FGFBP2: variants seen among roughly 807,000 people sequenced by gnomAD.
FGFBP2 encodes fibroblast growth factor binding protein 2.
A neutral mutation model predicts 7.3 loss-of-function variants in FGFBP2; 7 were observed. The ratio of observed to expected loss-of-function variants is 0.96; its 90% CI spans 0.55 to 1.81. The LOEUF is 1.81. Among genes scored for constraint, FGFBP2 ranks in the 40% most tolerant of loss-of-function variants. The pLI, the probability that FGFBP2 is intolerant of heterozygous loss-of-function variation, is 0.00. For synonymous variants in FGFBP2, 131 were observed against 110.2 expected (o/e 1.19, Z -1.18); for missense variants, 291 against 280.1 (o/e 1.04, Z -0.28).
In FGFBP2 at chr4:15,962,875, A is replaced by C. The variant is rs759752082; in HGVS notation, c.255T>G (p.Ala85=). The C allele has an allele frequency of 2.6e-6, 4 of 1,560,028 alleles. No homozygotes were observed. Among genetic ancestry groups the C allele is most frequent in the Admixed American group, 3.6e-5 (2 of 55,758 alleles). ...RGQPSMCQAF[A]ADPKPYWNQA... ...GATTCCAGTAAGGTTTGGGGTCAGC[A>C]GCGAAAGCCTGGCACATGCTGGGCT... The change falls in exon 1 of 2, where the codon GCT becomes GCG. Residue 85 remains alanine (A), a synonymous_variant. Coordinates refer to ENST00000259989, the MANE Select transcript of FGFBP2 (RefSeq NM_031950.4).
rs758328 is a variant in FGFBP2 at position 15,962,950 on chromosome 4, A to G, written c.180T>C (p.Arg60=). Reference sequence around the variant, plus strand: ...TCTGGTCTGTGTTGCGGCAGTCGACACGAAGCCAGACTTCTCCAGCACCTT... The same window carrying G: ...TCTGGTCTGTGTTGCGGCAGTCGACGCGAAGCCAGACTTCTCCAGCACCTT... ...LGQGAGEVWL[R]VDCRNTDQTY... Residue 60 remains arginine (R), a synonymous_variant, in exon 1 of 2, where the codon CGT becomes CGC. Coordinates refer to ENST00000259989, the MANE Select transcript of FGFBP2 (RefSeq NM_031950.4). 1,587,301 of 1,609,810 alleles carry G rather than the reference A, an allele frequency of 0.99. 784,819 individuals carry two copies. Among genetic ancestry groups the G allele is most frequent in the East Asian group, 1 (44,822 of 44,822 alleles).
At chr4:15,960,840 T>C (rs139505998) in intron 1 of FGFBP2, among the ~76,000 whole-genome samples, 1 of 152,012 alleles carries the variant, frequency 6.6e-6, no homozygotes, top group Non-Finnish European at 1.5e-5. Flanking sequence ...GTGAATGGTA[T>C]CCTAACAAAA....
chr4:15,962,419 G>T lies in FGFBP2; in HGVS notation c.*20+19C>A. 6.6e-7 allele frequency: 1 copy of T among 1,514,534 alleles called. No individual in the cohort carries two copies. The highest frequency in any genetic ancestry group is 8.8e-7 in the Non-Finnish European group (1 of 1,131,100). 93.8% of individuals were successfully genotyped at this position (1,514,534 alleles called of 1,614,324 possible). Reference sequence around the variant, plus strand: ...ATATACACGTAGTCTCTGTATATGAGTAAAGGAAAGGGTATTACCTGTAGG... The same window carrying T: ...ATATACACGTAGTCTCTGTATATGATTAAAGGAAAGGGTATTACCTGTAGG... On this transcript the variant is annotated intron_variant, in intron 1 of 1. Transcript: ENST00000259989.
intron 1 of FGFBP2, among the ~76,000 whole-genome samples, chr4:15,961,986 C>T (rs1434523346): frequency 2.0e-5 from 3 of 152,190 alleles, no homozygotes; most frequent in African/African-American, 7.2e-5. Context: ...ACCTCGGCCA[C>T]TAACAGCTGC....
At chr4:15,961,350 T>A (rs1391185563) in intron 1 of FGFBP2, among the ~76,000 whole-genome samples, 1 of 151,918 alleles carries the variant, frequency 6.6e-6, no homozygotes, top group African/African-American at 2.4e-5. Context: ...CTCCTCTCAA[T>A]AGTAACTTTT....
intron 1 of FGFBP2, among the ~76,000 whole-genome samples, chr4:15,961,489 C>A (rs1240451299): frequency 6.6e-6 from 1 of 152,132 alleles, no homozygotes; most frequent in African/African-American, 2.4e-5. Flanking sequence ...GCTGCCTGGG[C>A]GCTTGTAGAA....
At position 15,962,877 on chromosome 4, in the gene FGFBP2, C is replaced by G. The variant is rs765344183; in HGVS notation, c.253G>C (p.Ala85Pro). Reference protein sequence around the residue: ...RGQPSMCQAFAADPKPYWNQA... With the variant: ...RGQPSMCQAFPADPKPYWNQA... ...TTCCAGTAAGGTTTGGGGTCAGCAG[C>G]GAAAGCCTGGCACATGCTGGGCTGC... is the stretch of plus-strand genomic sequence containing the variant. The change falls in exon 1 of 2, where the codon GCT becomes CCT. Residue 85 changes from alanine to proline, a missense_variant. Coordinates refer to ENST00000259989, the MANE Select transcript of FGFBP2 (RefSeq NM_031950.4). 3.8e-6 allele frequency: 6 copies of G among 1,560,148 alleles called. No individual in the cohort carries two copies. In the Admixed American group the frequency reaches 5.4e-5, roughly 14 times the overall value.
chr4:15,961,132 G>T lies in FGFBP2; in HGVS notation c.*21-521C>A, dbSNP rs553901670. Among the ~76,000 whole-genome samples, 7 of 152,276 alleles carry T rather than the reference G, an allele frequency of 4.6e-5. No homozygotes were observed. The South Asian group carries it at 1.5e-3, about 32-fold the overall frequency. On this transcript the variant is annotated intron_variant, in intron 1 of 1. Transcript: ENST00000259989. ...AGCGCCTGTATGCATCTGTATATACGCTGTACATCTGTCTGTGTAAATACG... is the reference window on the plus strand; with the variant it reads ...AGCGCCTGTATGCATCTGTATATACTCTGTACATCTGTCTGTGTAAATACG...
chr4:15,960,955 A>T (rs1046095481), intron 1 of FGFBP2, among the ~76,000 whole-genome samples: 3 of 152,306 alleles, frequency 2.0e-5, no homozygotes, highest in African/African-American at 7.2e-5. Context: ...TGACACCTTG[A>T]TCTTGGAATT....
intron 1 of FGFBP2, among the ~76,000 whole-genome samples, chr4:15,961,350 T>C (rs1391185563): frequency 6.6e-6 from 1 of 151,918 alleles, no homozygotes; most frequent in East Asian, 1.9e-4. Flanking sequence ...CTCCTCTCAA[T>C]AGTAACTTTT....
chr4:15,962,339 G>A, intron 1 of FGFBP2, 99 bp downstream of exon 1: 1 of 1,076,238 alleles, frequency 9.3e-7, no homozygotes, highest in African/African-American at 1.6e-5. Context: ...CTCTGATGTG[G>A]TCGCAGCAGC....
intron 1 of FGFBP2, 96 bp downstream of exon 1, chr4:15,962,342 G>T: frequency 9.2e-7 from 1 of 1,083,400 alleles, no homozygotes; most frequent in Non-Finnish European, 1.3e-6. Flanking sequence ...TGATGTGGTC[G>T]CAGCAGCTGT....
chr4:15,962,576 G>A lies in FGFBP2; in HGVS notation c.554C>T (p.Pro185Leu). The A allele has an allele frequency of 6.2e-7, 1 of 1,614,214 alleles. No homozygotes were observed. The highest frequency in any genetic ancestry group is 8.5e-7 in the Non-Finnish European group (1 of 1,180,026). ...TCCGGGCCTGGGTCCAGGCTGGGTAGGTTTGGCTGTGGGTCGGGTGGTGGG... is the reference window on the plus strand; with the variant it reads ...TCCGGGCCTGGGTCCAGGCTGGGTAAGTTTGGCTGTGGGTCGGGTGGTGGG... Reference protein sequence around the residue: ...AKPTTRPTAKPTQPGPRPGGN... With the variant: ...AKPTTRPTAKLTQPGPRPGGN... The change falls in exon 1 of 2, where the codon CCT becomes CTT. Residue 185 changes from proline (P) to leucine (L), a missense_variant. Transcript: ENST00000259989.
chr4:15,962,622 C>T lies in FGFBP2; in HGVS notation c.508G>A (p.Glu170Lys), dbSNP rs138174664. The T allele has an allele frequency of 2.2e-5, 35 of 1,614,090 alleles. No homozygotes were observed. Among genetic ancestry groups the T allele is most frequent in the African/African-American group, 4.0e-5 (3 of 74,932 alleles). ...GTGGGTTTGGCTTTTCCCAGCTCTTCCATCGAGTCCTTTCCCAGCTGTGTT... is the reference window on the plus strand; with the variant it reads ...GTGGGTTTGGCTTTTCCCAGCTCTTTCATCGAGTCCTTTCCCAGCTGTGTT... ...EATQLGKDSM[E>K]ELGKAKPTTR... The change falls in exon 1 of 2, where the codon GAA (glutamate) becomes AAA (lysine). Residue 170 changes from glutamate (E) to lysine (K), a missense_variant. Glu to Lys is a moderately conservative substitution (Grantham distance 56, BLOSUM62 1). Coordinates refer to ENST00000259989, the MANE Select transcript of FGFBP2 (RefSeq NM_031950.4).
rs768715211 is a variant in FGFBP2, at chr4:15,962,760, C to T, written c.370G>A (p.Ala124Thr). Reference protein sequence around the residue: ...PSVCREAGPQAHMQQVTSSLK... With the variant: ...PSVCREAGPQTHMQQVTSSLK... ...CTGGAAGTCACCTGCTGCATATGGG[C>T]CTGGGGTCCAGCCTCCCTGCACACG... Residue 124 changes from alanine (A) to threonine (T), a missense_variant, in exon 1 of 2, where the codon GCC becomes ACC. Physicochemically the swap from Ala to Thr is moderately conservative, Grantham distance 58. Transcript: ENST00000259989. 1.6e-5 allele frequency: 26 copies of T among 1,606,916 alleles called. No individual in the cohort carries two copies. The highest frequency in any genetic ancestry group is 2.2e-5 in the Non-Finnish European group (26 of 1,176,190).
Position 15,962,972 on chromosome 4 carries a change from C to A in FGFBP2, c.158G>T (p.Gly53Val). 4 of 1,613,448 alleles carry A rather than the reference C, an allele frequency of 2.5e-6. No individual in the cohort carries two copies. Among genetic ancestry groups the A allele is most frequent in the African/African-American group, 1.3e-5 (1 of 75,076 alleles). ...GACACGAAGCCAGACTTCTCCAGCA[C>A]CTTGCCCCAAGCTGCTGGGACGCAT... ...CTMRPSSLGQ[G>V]AGEVWLRVDC... The change falls in exon 1 of 2, where the codon GGT (glycine) becomes GTT (valine). Residue 53 changes from glycine (G) to valine (V), a missense_variant. By Grantham distance (109) the Gly-to-Val change is moderately radical. Coordinates refer to ENST00000259989, the MANE Select transcript of FGFBP2 (RefSeq NM_031950.4).
intron 1 of FGFBP2, among the ~76,000 whole-genome samples, chr4:15,961,846 G>C (rs990528727): frequency 1.3e-5 from 2 of 152,224 alleles, no homozygotes; most frequent in African/African-American, 4.8e-5. Flanking sequence ...TTTGAGAGCT[G>C]TGAGAAAGAC....
chr4:15,962,968 A>C lies in FGFBP2; in HGVS notation c.162T>G (p.Ala54=), dbSNP rs764518874. 6.2e-7 allele frequency: 1 copy of C among 1,613,082 alleles called. No individual in the cohort carries two copies. The highest frequency in any genetic ancestry group is 8.5e-7 in the Non-Finnish European group (1 of 1,179,810). The change falls in exon 1 of 2, where the codon GCT becomes GCG. Residue 54 remains alanine (A), a synonymous_variant. Coordinates refer to ENST00000259989, the MANE Select transcript of FGFBP2 (RefSeq NM_031950.4). ...TMRPSSLGQG[A]GEVWLRVDCR... ...AGTCGACACGAAGCCAGACTTCTCC[A>C]GCACCTTGCCCCAAGCTGCTGGGAC...
In FGFBP2 at chr4:15,963,111, G is replaced by T. The variant is rs779816246; in HGVS notation, c.19C>A (p.Leu7Ile). MKFVPC[L>I]LLVTLSCLGT... ...AGGCAGGACAAGGTCACCAGCAGGA[G>T]GCAGGGGACGAACTTCATGGCGATA... Residue 7 changes from leucine (L) to isoleucine (I), a missense_variant, in exon 1 of 2, where the codon CTC becomes ATC. Coordinates refer to ENST00000259989, the MANE Select transcript of FGFBP2 (RefSeq NM_031950.4). 6.2e-7 allele frequency: 1 copy of T among 1,600,390 alleles called. No individual in the cohort carries two copies. Among genetic ancestry groups the T allele is most frequent in the Admixed American group, 1.7e-5 (1 of 58,870 alleles).
Sources: allele counts gnomAD v4.1 joint callset (sites outside exome capture counted in the v4.1 genomes callset), GRCh38; gene constraint gnomAD v4.1.1; transcripts MANE v1.5; gene names NCBI Gene and HGNC (gene_info 2026-07-23, HGNC 2026-07-21).